The following NEDD4L variants were observed in gnomAD, a reference collection of about 807,000 sequenced individuals.
NEDD4L encodes NEDD4 like E3 ubiquitin protein ligase, also known as E3 ubiquitin-protein ligase NEDD4-like.
NEDD4L carries 54 observed loss-of-function variants against 148.9 expected under a neutral mutation model. The observed-to-expected ratio is 0.36, with a 90% CI of 0.29 to 0.45. The LOEUF is 0.45. Ranked by LOEUF, NEDD4L falls within the 20% of genes least tolerant of loss-of-function variation. The pLI is 1.00. For missense variants in NEDD4L, 856 were observed against 1,233.8 expected, an observed-to-expected ratio of 0.69 and a Z score of 4.59; for synonymous variants, 433 against 440.7, an observed-to-expected ratio of 0.98 and a Z score of 0.22.
intron 5 of NEDD4L, among the ~76,000 whole-genome samples, chr18:58,286,361 GA>G (rs2053903904): frequency 2.0e-5 from 3 of 152,132 alleles, no homozygotes; most frequent in African/African-American, 7.2e-5. Context: ...CTGGACATTG[GA>G]AAAAATTTGT....
intron 5 of NEDD4L, among the ~76,000 whole-genome samples, chr18:58,258,937 C>CT (rs1178487810): frequency 6.6e-6 from 1 of 152,112 alleles, no homozygotes; most frequent in African/African-American, 2.4e-5. Flanking sequence ...TGCTACCAAG[C>CT]TTTTTTGGCG....
intron 5 of NEDD4L, among the ~76,000 whole-genome samples, chr18:58,294,255 G>GATAACC (rs2055205890): frequency 2.6e-5 from 4 of 152,202 alleles, no homozygotes; most frequent in African/African-American, 9.6e-5. Flanking sequence ...AGATAAATGA[G>GATAACC]AAGGTTTTCG....
chr18:58,212,393 G>A (rs941128029), intron 2 of NEDD4L, among the ~76,000 whole-genome samples: 2 of 152,200 alleles, frequency 1.3e-5, no homozygotes, highest in Non-Finnish European at 2.9e-5. Flanking sequence ...ACGGGTGAAG[G>A]TGAATGAGGA....
intron 2 of NEDD4L, among the ~76,000 whole-genome samples, chr18:58,235,059 C>T (rs770755493): frequency 6.6e-6 from 1 of 152,148 alleles, no homozygotes; most frequent in East Asian, 1.9e-4. Flanking sequence ...CACCGAGAAG[C>T]CCAGAATGTT....
chr18:58,065,056 A>G (rs538159098), intron 1 of NEDD4L, among the ~76,000 whole-genome samples: 2 of 152,352 alleles, frequency 1.3e-5, no homozygotes, highest in East Asian at 3.9e-4. Context: ...TTCAGAATAT[A>G]AATAACTATC....
At chr18:58,225,399 C>A (rs917649298) in intron 2 of NEDD4L, among the ~76,000 whole-genome samples, 1 of 152,222 alleles carries the variant, frequency 6.6e-6, no homozygotes, top group Admixed American at 6.5e-5. Context: ...CACTGTCCCG[C>A]CTTGGGCAGG....
intron 1 of NEDD4L, among the ~76,000 whole-genome samples, chr18:58,126,974 C>A (rs919257734): frequency 6.6e-6 from 1 of 152,212 alleles, no homozygotes; most frequent in Non-Finnish European, 1.5e-5. Context: ...AGAACCCTTG[C>A]GATTCTCTCT....
At chr18:58,290,626 C>T (rs535255711) in intron 5 of NEDD4L, among the ~76,000 whole-genome samples, 1 of 152,082 alleles carries the variant, frequency 6.6e-6, no homozygotes, top group East Asian at 1.9e-4. Context: ...AAAAGAATTT[C>T]TGCAATGTCT....
chr18:58,064,253 C>T (rs571957139), intron 1 of NEDD4L, among the ~76,000 whole-genome samples: 27 of 152,232 alleles, frequency 1.8e-4, no homozygotes, highest in African/African-American at 5.5e-4. Context: ...CGTGAGCCAC[C>T]GCGCCTGACC....
intron 1 of NEDD4L, among the ~76,000 whole-genome samples, chr18:58,050,278 C>A (rs892914857): frequency 1.3e-5 from 2 of 151,054 alleles, no homozygotes; most frequent in African/African-American, 4.9e-5. Flanking sequence ...CATGGTGAAA[C>A]CCTGTCTCTA....
At position 58,373,304 on chromosome 18, in the gene NEDD4L, C is replaced by T. The variant is rs1292231786; in HGVS notation, c.2352+35C>T. On this transcript the variant is annotated intron_variant, in intron 24 of 30. Transcript: ENST00000400345. ...GGTAACCCTGGGAACTCTTCTTTAG[C>T]TTTCAAGGGGCATTTTTCTTCTTGA... 8 of 1,250,158 alleles carry T rather than the reference C, an allele frequency of 6.4e-6. No individual in the cohort carries two copies. In the African/African-American group the frequency reaches 7.4e-5, roughly 12 times the overall value. The allele number at this position is 1,250,158 out of a possible 1,614,324, so 77.4% of individuals were successfully genotyped here. A position where few individuals can be genotyped will look rare whatever the true frequency, so the allele number is the denominator to read the frequency against.
At position 58,248,957 on chromosome 18, in the gene NEDD4L, GTAA is replaced by G. The variant is rs2047591770; in HGVS notation, c.243+25_243+27del. ...TTCAGGGTAAGTTTTTCATTGTTTG[GTAA>G]TAATTGTTATTGATACGTCTAGGTC... On this transcript the variant is annotated intron_variant, in intron 4 of 30. Transcript: ENST00000400345. 2.2e-6 allele frequency: 3 copies of G among 1,351,746 alleles called. No individual in the cohort carries two copies. Among genetic ancestry groups the G allele is most frequent in the Non-Finnish European group, 3.1e-6 (3 of 969,082 alleles). The allele number at this position is 1,351,746 out of a possible 1,614,324, so 83.7% of individuals were successfully genotyped here.
At chr18:58,158,065 C>G (rs1257559802) in intron 1 of NEDD4L, among the ~76,000 whole-genome samples, 1 of 152,192 alleles carries the variant, frequency 6.6e-6, no homozygotes, top group East Asian at 1.9e-4. Context: ...AGGCAAGGGT[C>G]TCTTATGATC....
intron 5 of NEDD4L, among the ~76,000 whole-genome samples, chr18:58,315,193 A>G (rs1339277713): frequency 6.6e-6 from 1 of 152,172 alleles, no homozygotes; most frequent in Non-Finnish European, 1.5e-5. Flanking sequence ...TCATCTAAAC[A>G]TCAGAGGCCA....
At chr18:58,231,645 C>T (rs2045250955) in intron 2 of NEDD4L, among the ~76,000 whole-genome samples, 1 of 152,184 alleles carries the variant, frequency 6.6e-6, no homozygotes, top group Admixed American at 6.5e-5. Context: ...TCCCTGCAAC[C>T]TCCGCCTCCA....
intron 1 of NEDD4L, among the ~76,000 whole-genome samples, chr18:58,115,043 A>G (rs1362717177): frequency 1.3e-5 from 2 of 151,990 alleles, no homozygotes; most frequent in Non-Finnish European, 2.9e-5. Flanking sequence ...GTGTAAGCTG[A>G]CCTAGTCACA....
chr18:58,385,980 G>A (rs183771997), intron 26 of NEDD4L, among the ~76,000 whole-genome samples: 1 of 152,106 alleles, frequency 6.6e-6, no homozygotes, highest in Admixed American at 6.5e-5. Flanking sequence ...GAATGATGAA[G>A]CGCAGTCCCC....
intron 2 of NEDD4L, among the ~76,000 whole-genome samples, chr18:58,190,725 A>T (rs540371759): frequency 6.6e-6 from 1 of 152,352 alleles, no homozygotes; most frequent in East Asian, 1.9e-4. Context: ...AGATTTAGAT[A>T]TTAAAGTTAC....
chr18:58,243,397 CTT>C (rs1374389576), intron 2 of NEDD4L, among the ~76,000 whole-genome samples: 2 of 152,200 alleles, frequency 1.3e-5, no homozygotes, highest in African/African-American at 4.8e-5. Context: ...AGAAAATACT[CTT>C]TTCAAATGCC....
Sources: gnomAD v4.1 joint callset for allele counts (sites outside exome capture counted in the v4.1 genomes callset) on GRCh38, gnomAD v4.1.1 for gene constraint, MANE v1.5 for transcripts, NCBI Gene and HGNC (gene_info 2026-07-23, HGNC 2026-07-21) for gene names.